The following CNTNAP2 variants were observed in gnomAD, a reference collection of about 807,000 sequenced individuals.
The protein encoded by CNTNAP2 is contactin-associated protein-like 2.
In CNTNAP2, 98 loss-of-function variants were observed where a neutral mutation model predicts 155.2. The observed-to-expected ratio is 0.63, with a 90% CI of 0.54 to 0.75. The LOEUF (loss-of-function observed/expected upper bound fraction) is 0.75, where lower values mean the gene tolerates loss of function less well. Ranked by LOEUF, CNTNAP2 falls within the 30% of genes least tolerant of loss-of-function variation. CNTNAP2 has a pLI of 0.00. For synonymous variants in CNTNAP2, 651 were observed against 631.2 expected (o/e 1.03, Z -0.47); for missense variants, 1,727 against 1,688.1 (o/e 1.02, Z -0.40).
chr7:147,204,494 A>T (rs1310292240), intron 8 of CNTNAP2, among the ~76,000 whole-genome samples: 2 of 152,152 alleles, frequency 1.3e-5, no homozygotes, highest in Admixed American at 1.3e-4. Context: ...GGGTCTCAAG[A>T]TGAGGAACAC....
At chr7:146,976,119 T>C (rs1797905212) in intron 3 of CNTNAP2, among the ~76,000 whole-genome samples, 1 of 152,202 alleles carries the variant, frequency 6.6e-6, no homozygotes, top group Non-Finnish European at 1.5e-5. Flanking sequence ...ATTTGTTAAT[T>C]CAAGTGGTGA....
At chr7:146,517,483 T>G (rs1383354473) in intron 1 of CNTNAP2, among the ~76,000 whole-genome samples, 2 of 151,856 alleles carry the variant, frequency 1.3e-5, no homozygotes, top group East Asian at 3.9e-4. Context: ...TGGAGGTAAG[T>G]TTAGCATCAG....
Position 146,927,574 on chromosome 7 carries a change from G to T in CNTNAP2, c.402+87670G>T, listed in dbSNP as rs1196147226. 2.0e-5 allele frequency among the ~76,000 whole-genome samples: 3 copies of T among 151,974 alleles called. No homozygotes were observed. The East Asian group carries it at 5.8e-4, about 29-fold the overall frequency. ...TATAAAGATATACAATATACAATTT[G>T]TATAAAGATATACAATATTACTCCT... On this transcript the variant is annotated intron_variant, in intron 3 of 23. Coordinates refer to ENST00000361727, the MANE Select transcript of CNTNAP2 (RefSeq NM_014141.6).
At chr7:147,928,126 A>C (rs915284837) in intron 14 of CNTNAP2, among the ~76,000 whole-genome samples, 2 of 152,134 alleles carry the variant, frequency 1.3e-5, no homozygotes, top group Non-Finnish European at 2.9e-5. Context: ...CTTGCCTGCC[A>C]CCATGTAAGA....
At chr7:147,025,455 G>T (rs1584790203) in intron 3 of CNTNAP2, among the ~76,000 whole-genome samples, 1 of 23,078 alleles carries the variant, frequency 4.3e-5, no homozygotes, top group African/African-American at 2.0e-4. Flanking sequence ...AGGGGAGGAG[G>T]GGGAGGGGAG....
chr7:147,239,799 C>T (rs1163917485), intron 8 of CNTNAP2, among the ~76,000 whole-genome samples: 2 of 152,174 alleles, frequency 1.3e-5, no homozygotes, highest in Non-Finnish European at 2.9e-5. Context: ...TAGATATCAT[C>T]ATCCTCTTTT....
intron 21 of CNTNAP2, among the ~76,000 whole-genome samples, chr7:148,352,475 T>C (rs1417357874): frequency 6.6e-6 from 1 of 152,232 alleles, no homozygotes; most frequent in Non-Finnish European, 1.5e-5. Flanking sequence ...TTTAAGGAAT[T>C]GTATCCTATA....
intron 3 of CNTNAP2, among the ~76,000 whole-genome samples, chr7:146,899,213 C>T (rs1432717038): frequency 6.6e-6 from 1 of 152,162 alleles, no homozygotes; most frequent in Non-Finnish European, 1.5e-5. Context: ...TTTATCTAGG[C>T]CCATGGCTTT....
intron 20 of CNTNAP2, among the ~76,000 whole-genome samples, chr7:148,256,308 G>A (rs1179476500): frequency 1.3e-5 from 2 of 152,098 alleles, no homozygotes; most frequent in African/African-American, 2.4e-5. Context: ...CCAGAGACAT[G>A]GGAAAATACT....
chr7:147,352,302 TG>T (rs1795980978), intron 9 of CNTNAP2, among the ~76,000 whole-genome samples: 1 of 152,028 alleles, frequency 6.6e-6, no homozygotes. Context: ...CTATGTCAAT[TG>T]TACTTAAACA....
rs1444419136 is a variant in CNTNAP2, at chr7:146,762,393, G to A, written c.98-11878G>A. Among the ~76,000 whole-genome samples the A allele has an allele frequency of 2.0e-5, 3 of 152,206 alleles. No individual in the cohort carries two copies. In the East Asian group the frequency reaches 5.8e-4, roughly 29 times the overall value. ...AGGCGGGAGGATGACAAAGTCAAGA[G>A]TTTGAGACCAGCCTGGCCAACATGG... is the stretch of plus-strand genomic sequence containing the variant. On this transcript the variant is annotated intron_variant, in intron 1 of 23. Coordinates refer to ENST00000361727, the MANE Select transcript of CNTNAP2 (RefSeq NM_014141.6).
intron 2 of CNTNAP2, among the ~76,000 whole-genome samples, chr7:146,831,689 A>G (rs1012069004): frequency 6.6e-6 from 1 of 150,746 alleles, no homozygotes; most frequent in Non-Finnish European, 1.5e-5. Context: ...AAAAAAAAAA[A>G]AAAAAAAAAG....
intron 14 of CNTNAP2, among the ~76,000 whole-genome samples, chr7:147,922,813 T>C (rs2710072): frequency 0.081 from 12,278 of 152,174 alleles, 690 homozygotes; most frequent in African/African-American, 0.14. Flanking sequence ...TGGTTTTGAA[T>C]TGTTAGTAAA....
chr7:147,030,079 G>T (rs1799000285), intron 3 of CNTNAP2, among the ~76,000 whole-genome samples: 1 of 152,196 alleles, frequency 6.6e-6, no homozygotes, highest in South Asian at 2.1e-4. Flanking sequence ...TCTAGATACT[G>T]TAAACAATTT....
rs1219556681 is a variant in CNTNAP2 at position 147,920,805 on chromosome 7, C to CTT, written c.2255+17105_2255+17106dup. On this transcript the variant is annotated intron_variant, in intron 14 of 23. Transcript: ENST00000361727. ...TTCACGTATGTGCTTCTGCTCCTGTCTTTTTTTTTTTTTTTTTTTTTTGAG... is the reference window on the plus strand; with the variant it reads ...TTCACGTATGTGCTTCTGCTCCTGTCTTTTTTTTTTTTTTTTTTTTTTTTGAG... 5.9e-3 allele frequency among the ~76,000 whole-genome samples: 592 copies of CTT among 100,610 alleles called. 17 individuals carry two copies. The highest frequency in any genetic ancestry group is 0.013 in the African/African-American group (322 of 24,420). 66.0% of individuals were successfully genotyped at this position (100,610 alleles called of 152,430 possible).
At chr7:146,383,728 T>C (rs1001743197) in intron 1 of CNTNAP2, among the ~76,000 whole-genome samples, 1 of 152,182 alleles carries the variant, frequency 6.6e-6, no homozygotes, top group African/African-American at 2.4e-5. Context: ...TTTCCTTTGA[T>C]AAATTCTGAC....
intron 15 of CNTNAP2, among the ~76,000 whole-genome samples, chr7:148,096,096 T>C (rs1803959374): frequency 6.6e-6 from 1 of 152,256 alleles, no homozygotes; most frequent in South Asian, 2.1e-4. Flanking sequence ...AGTATAAAAA[T>C]GGATCTTCCT....
At chr7:146,536,960 A>C (rs769793938) in intron 1 of CNTNAP2, among the ~76,000 whole-genome samples, 1 of 152,168 alleles carries the variant, frequency 6.6e-6, no homozygotes, top group Non-Finnish European at 1.5e-5. Context: ...CAAATATGAA[A>C]TTAGCTGTTT....
At chr7:146,276,022 G>A (rs1430312526) in intron 1 of CNTNAP2, among the ~76,000 whole-genome samples, 2 of 152,140 alleles carry the variant, frequency 1.3e-5, no homozygotes, top group African/African-American at 4.8e-5. Context: ...CCACAACTAA[G>A]AAATATCCTG....
Sources: allele counts gnomAD v4.1 joint callset (sites outside exome capture counted in the v4.1 genomes callset), GRCh38; gene constraint gnomAD v4.1.1; transcripts MANE v1.5; gene names NCBI Gene and HGNC (gene_info 2026-07-23, HGNC 2026-07-21).